The following SCML4 variants were observed in gnomAD, a reference collection of about 807,000 sequenced individuals.
SCML4 encodes the protein Scm polycomb group protein like 4.
In SCML4, 34 loss-of-function variants were observed where a neutral mutation model predicts 41.1. The observed-to-expected ratio is 0.83, with a 90% confidence interval of 0.63 to 1.10. The LOEUF (loss-of-function observed/expected upper bound fraction) is 1.10, where lower values mean the gene tolerates loss of function less well. SCML4 is among the 50% of genes least tolerant of loss of function. The pLI is 0.00. For missense variants in SCML4, 522 were observed against 534.1 expected (o/e 0.98, Z 0.22); for synonymous variants, 214 against 220.9 (o/e 0.97, Z 0.28).
intron 5 of SCML4, among the ~76,000 whole-genome samples, chr6:107,722,504 C>A (rs1775531319): frequency 6.6e-6 from 1 of 151,982 alleles, no homozygotes; most frequent in African/African-American, 2.4e-5. Flanking sequence ...CAAAACAGAT[C>A]TTGGTATGCC....
intron 5 of SCML4, chr6:107,740,259 G>T (rs983452936): frequency 1.4e-5 from 6 of 427,586 alleles, no homozygotes; most frequent in African/African-American, 4.1e-5. Context: ...CCACCATGCG[G>T]GTCTTGTAAA....
intron 1 of SCML4, among the ~76,000 whole-genome samples, chr6:107,786,221 C>T (rs1346445039): frequency 6.6e-6 from 1 of 152,168 alleles, no homozygotes; most frequent in Non-Finnish European, 1.5e-5. Context: ...AATCTGGGGC[C>T]CCCACTCATG....
At chr6:107,820,967 AC>A (rs1419387663) in intron 1 of SCML4, among the ~76,000 whole-genome samples, 1 of 152,224 alleles carries the variant, frequency 6.6e-6, no homozygotes, top group Non-Finnish European at 1.5e-5. Context: ...TGGTCTGTGG[AC>A]CACGTTGGAA....
intron 1 of SCML4, among the ~76,000 whole-genome samples, chr6:107,818,881 T>TA (rs1251170261): frequency 6.6e-6 from 1 of 152,180 alleles, no homozygotes; most frequent in Non-Finnish European, 1.5e-5. Context: ...ATGGGCCTGG[T>TA]GAGAGGGGCA....
intron 2 of SCML4, among the ~76,000 whole-genome samples, chr6:107,751,552 T>C (rs1778621827): frequency 6.6e-6 from 1 of 151,686 alleles, no homozygotes; most frequent in East Asian, 2.0e-4. Flanking sequence ...AACAATAGGA[T>C]TTAAACTAAC....
At chr6:107,781,949 C>G (rs1031092092) in intron 1 of SCML4, among the ~76,000 whole-genome samples, 2 of 152,174 alleles carry the variant, frequency 1.3e-5, no homozygotes, top group Non-Finnish European at 2.9e-5. Flanking sequence ...ACTCTGAAAG[C>G]CTGTCAAATC....
chr6:107,780,961 G>GTT (rs149798392), intron 1 of SCML4, among the ~76,000 whole-genome samples: 124 of 149,724 alleles, frequency 8.3e-4, no homozygotes, highest in African/African-American at 2.7e-3. Context: ...ATAAGCAATG[G>GTT]TTTTTTTTTT....
At chr6:107,728,494 A>G (rs995719208) in intron 5 of SCML4, among the ~76,000 whole-genome samples, 1 of 152,164 alleles carries the variant, frequency 6.6e-6, no homozygotes, top group Non-Finnish European at 1.5e-5. Context: ...CTGTAATCCC[A>G]GCTACTCAGG....
intron 7 of SCML4, among the ~76,000 whole-genome samples, chr6:107,706,195 T>C (rs1237582060): frequency 6.6e-6 from 1 of 152,154 alleles, no homozygotes; most frequent in Non-Finnish European, 1.5e-5. Flanking sequence ...TCCATGTCTT[T>C]GGCAAAATGG....
Position 107,819,962 on chromosome 6 carries a change from C to A in SCML4, c.-60+4164G>T, listed in dbSNP as rs570095867. Among the ~76,000 whole-genome samples, 18 of 152,252 alleles carry A rather than the reference C, an allele frequency of 1.2e-4. No individual in the cohort carries two copies. The South Asian group carries it at 1.9e-3, about 16-fold the overall frequency. ...TTCCTTTCTGTCCTAAAATAGTAGC[C>A]CAAGAAATAATCATCCCAAGAAGTA... On this transcript the variant is annotated intron_variant, in intron 1 of 7. Coordinates refer to ENST00000369020, the MANE Select transcript of SCML4 (RefSeq NM_198081.5).
chr6:107,781,436 C>T (rs1781487650), intron 1 of SCML4, among the ~76,000 whole-genome samples: 1 of 152,074 alleles, frequency 6.6e-6, no homozygotes, highest in Non-Finnish European at 1.5e-5. Context: ...TGCTTGAGCT[C>T]AGGAGCTCAA....
At chr6:107,799,825 C>T (rs1215134197) in intron 1 of SCML4, among the ~76,000 whole-genome samples, 1 of 152,022 alleles carries the variant, frequency 6.6e-6, no homozygotes. Flanking sequence ...TCAATTTCTA[C>T]TTGTTTTTAT....
At chr6:107,818,147 T>G (rs977141084) in intron 1 of SCML4, among the ~76,000 whole-genome samples, 7 of 152,202 alleles carry the variant, frequency 4.6e-5, no homozygotes, top group African/African-American at 1.7e-4. Context: ...GCTTTCCACT[T>G]GAAGTTTTTT....
intron 5 of SCML4, among the ~76,000 whole-genome samples, chr6:107,731,473 T>TTC (rs138920558): frequency 1.3e-5 from 2 of 151,590 alleles, no homozygotes; most frequent in East Asian, 1.9e-4. Flanking sequence ...CTGTTTGTCT[T>TTC]TCTCTCTCTC....
intron 2 of SCML4, among the ~76,000 whole-genome samples, chr6:107,760,795 T>G (rs1779519719): frequency 1.3e-5 from 2 of 152,096 alleles, no homozygotes; most frequent in African/African-American, 2.4e-5. Context: ...GATATTTCAA[T>G]TATCGAACTT....
the SCML4 span, among the ~76,000 whole-genome samples, chr6:107,845,053 T>C: frequency 6.6e-6 from 1 of 151,616 alleles, no homozygotes; most frequent in Admixed American, 6.6e-5. Flanking sequence ...CTGGCTAACA[T>C]GGTGAAACCC....
Position 107,718,078 on chromosome 6 carries a change from C to T in SCML4, c.973+2625G>A, listed in dbSNP as rs375441709. On this transcript the variant is annotated intron_variant, in intron 6 of 7. Coordinates refer to ENST00000369020, the MANE Select transcript of SCML4 (RefSeq NM_198081.5). ...CTGAGGAAGGGTCTGGGCTGCCCCTCGGCCAGTCGTCTGGCAAGATTACTC... is the reference window on the plus strand; with the variant it reads ...CTGAGGAAGGGTCTGGGCTGCCCCTTGGCCAGTCGTCTGGCAAGATTACTC... Among the ~76,000 whole-genome samples, 38 of 152,260 alleles carry T rather than the reference C, an allele frequency of 2.5e-4. No individual in the cohort carries two copies. In the East Asian group the frequency reaches 5.2e-3, roughly 21 times the overall value.
intron 1 of SCML4, among the ~76,000 whole-genome samples, chr6:107,780,655 CA>C (rs1781411268): frequency 6.6e-6 from 1 of 151,708 alleles, no homozygotes; most frequent in Non-Finnish European, 1.5e-5. Flanking sequence ...TGCTGTGAGC[CA>C]AGATCTCGTC....
intron 1 of SCML4, among the ~76,000 whole-genome samples, chr6:107,797,589 CT>C (rs1206235275): frequency 6.6e-6 from 1 of 151,964 alleles, no homozygotes; most frequent in East Asian, 1.9e-4. Flanking sequence ...AATCATACTT[CT>C]TTGCAATCAT....
Sources: gnomAD v4.1 joint callset for allele counts (sites outside exome capture counted in the v4.1 genomes callset) on GRCh38, gnomAD v4.1.1 for gene constraint, MANE v1.5 for transcripts, NCBI Gene and HGNC (gene_info 2026-07-23, HGNC 2026-07-21) for gene names.